The following TMED10 variants were observed in gnomAD, a reference collection of about 807,000 sequenced individuals.
TMED10 encodes the protein transmembrane p24 trafficking protein 10, also known as transmembrane emp24 domain-containing protein 10.
In TMED10, 7 loss-of-function variants were observed where a neutral mutation model predicts 23.1. The observed-to-expected ratio is 0.30, with a 90% confidence interval of 0.17 to 0.57. The LOEUF is 0.57. Ranked by LOEUF, TMED10 falls within the 20% of genes least tolerant of loss-of-function variation. The pLI is 0.91. For missense variants in TMED10, 162 were observed against 274.8 expected (o/e 0.59, Z 2.90); for synonymous variants, 113 against 106.9 (o/e 1.06, Z -0.35).
At chr14:75,157,028 T>A (rs543880982) in intron 1 of TMED10, among the ~76,000 whole-genome samples, 2 of 152,252 alleles carry the variant, frequency 1.3e-5, no homozygotes, top group Admixed American at 6.5e-5. Flanking sequence ...TTTTGCCCTC[T>A]CCACAGGACA....
intron 3 of TMED10, among the ~76,000 whole-genome samples, chr14:75,145,170 G>A (rs539540506): frequency 6.6e-6 from 1 of 152,336 alleles, no homozygotes; most frequent in East Asian, 1.9e-4. Flanking sequence ...TTGGAGCTGT[G>A]TTGTAACTAC....
At chr14:75,176,278 G>C in intron 1 of TMED10, 77 bp downstream of exon 1, 1 of 1,566,656 alleles carries the variant, frequency 6.4e-7, no homozygotes, top group South Asian at 1.1e-5. Flanking sequence ...CCGCCGGCCC[G>C]ACTCCCCCGA....
At chr14:75,153,943 T>C (rs964280717) in intron 1 of TMED10, among the ~76,000 whole-genome samples, 2 of 151,514 alleles carry the variant, frequency 1.3e-5, no homozygotes, top group Non-Finnish European at 2.9e-5. Flanking sequence ...CTAATTTTTT[T>C]GTATTTTTAG....
chr14:75,151,910 A>G (rs1464984034), intron 2 of TMED10, 122 bp downstream of exon 2: 1 of 834,142 alleles, frequency 1.2e-6, no homozygotes, highest in African/African-American at 1.7e-5. Context: ...ACAAGGTAAC[A>G]GGTCTCCAAA....
At chr14:75,169,999 G>A (rs934052361) in intron 1 of TMED10, among the ~76,000 whole-genome samples, 8 of 151,694 alleles carry the variant, frequency 5.3e-5, no homozygotes, top group African/African-American at 1.7e-4. Context: ...AGGCAGAGGC[G>A]GGCGGATCAT....
At chr14:75,170,907 C>A (rs1211671645) in intron 1 of TMED10, among the ~76,000 whole-genome samples, 1 of 152,144 alleles carries the variant, frequency 6.6e-6, no homozygotes, top group Non-Finnish European at 1.5e-5. Context: ...TCAGTGGATT[C>A]CTAAGTGAAA....
chr14:75,165,349 T>C (rs1896147275), intron 1 of TMED10, among the ~76,000 whole-genome samples: 1 of 152,134 alleles, frequency 6.6e-6, no homozygotes, highest in South Asian at 2.1e-4. Flanking sequence ...TGCCTCAGCC[T>C]CCCGAGTAGC....
chr14:75,138,812 C>CTT (rs59707221), intron 3 of TMED10, among the ~76,000 whole-genome samples: 37,405 of 91,358 alleles, frequency 0.41, 5,120 homozygotes, highest in South Asian at 0.47. Flanking sequence ...GCCTTTGCTT[C>CTT]TTTTTTTTTT....
chr14:75,138,147 G>A (rs1895776109), intron 3 of TMED10, among the ~76,000 whole-genome samples: 1 of 152,086 alleles, frequency 6.6e-6, no homozygotes, highest in Non-Finnish European at 1.5e-5. Context: ...AGTTAACAAG[G>A]GATGAATAGG....
intron 1 of TMED10, among the ~76,000 whole-genome samples, chr14:75,163,751 A>T (rs1896114546): frequency 6.6e-6 from 1 of 151,940 alleles, no homozygotes. Context: ...CCTCATTTGT[A>T]AAATAAGGAC....
At chr14:75,157,181 C>T (rs1340844851) in intron 1 of TMED10, among the ~76,000 whole-genome samples, 5 of 152,132 alleles carry the variant, frequency 3.3e-5, no homozygotes, top group African/African-American at 4.8e-5. Context: ...ATGAACTGAT[C>T]GGAGCTTGGG....
At chr14:75,148,050 A>C (rs1895910107) in intron 2 of TMED10, among the ~76,000 whole-genome samples, 2 of 152,122 alleles carry the variant, frequency 1.3e-5, no homozygotes, top group Admixed American at 1.3e-4. Context: ...GGGAAACCAC[A>C]CAGGCTTATT....
intron 1 of TMED10, among the ~76,000 whole-genome samples, chr14:75,154,751 C>G (rs1008180598): frequency 6.6e-6 from 1 of 152,016 alleles, no homozygotes; most frequent in Non-Finnish European, 1.5e-5. Context: ...GCAACCTCTG[C>G]CTCCCGGGTT....
At chr14:75,159,368 G>T (rs1302958129) in intron 1 of TMED10, among the ~76,000 whole-genome samples, 1 of 152,208 alleles carries the variant, frequency 6.6e-6, no homozygotes, top group Non-Finnish European at 1.5e-5. Context: ...ACTGGTAGAG[G>T]ACAGCCTGGA....
chr14:75,140,367 G>A (rs1895806937), intron 3 of TMED10, among the ~76,000 whole-genome samples: 2 of 151,906 alleles, frequency 1.3e-5, no homozygotes, highest in Admixed American at 6.6e-5. Flanking sequence ...CCAAAGTGCT[G>A]GGATTACAGG....
At chr14:75,159,297 T>C (rs1216112651) in intron 1 of TMED10, among the ~76,000 whole-genome samples, 5 of 152,242 alleles carry the variant, frequency 3.3e-5, no homozygotes, top group African/African-American at 1.2e-4. Flanking sequence ...TGCATTGGCT[T>C]AATTCTGAAG....
intron 1 of TMED10, among the ~76,000 whole-genome samples, chr14:75,173,585 A>T (rs1045841275): frequency 6.6e-6 from 1 of 152,076 alleles, no homozygotes; most frequent in Non-Finnish European, 1.5e-5. Flanking sequence ...ATTCAATGAT[A>T]TTACCTATTT....
At chr14:75,156,946 G>GAAAAGAA (rs1896027297) in intron 1 of TMED10, among the ~76,000 whole-genome samples, 1 of 151,588 alleles carries the variant, frequency 6.6e-6, no homozygotes, top group South Asian at 2.1e-4. Context: ...GAAAAGAAAA[G>GAAAAGAA]AAAAGAAAAG....
intron 3 of TMED10, among the ~76,000 whole-genome samples, chr14:75,138,351 C>T (rs185036559): frequency 2.1e-4 from 32 of 152,318 alleles, no homozygotes; most frequent in Non-Finnish European, 5.9e-5. Context: ...CATTTTCTTG[C>T]GTTTGTAAAA....
Sources: gnomAD v4.1 joint callset for allele counts (sites outside exome capture counted in the v4.1 genomes callset) on GRCh38, gnomAD v4.1.1 for gene constraint, MANE v1.5 for transcripts, NCBI Gene and HGNC (gene_info 2026-07-23, HGNC 2026-07-21) for gene names.